ZC3H11A: variants seen among roughly 807,000 people sequenced by gnomAD.
ZC3H11A encodes the protein zinc finger CCCH-type containing 11A, also known as zinc finger CCCH domain-containing protein 11A.
Under a neutral mutation model 90.8 loss-of-function variants are expected in ZC3H11A, and 22 were observed. The observed-to-expected ratio is 0.24, with a 90% CI of 0.17 to 0.35. The LOEUF is 0.35. ZC3H11A is among the 10% of genes least tolerant of loss of function. The pLI is 1.00. For missense variants in ZC3H11A, 701 were observed against 964.9 expected, an observed-to-expected ratio of 0.73 and a Z score of 3.62; for synonymous variants, 294 against 339.8, an observed-to-expected ratio of 0.87 and a Z score of 1.48.
intron 2 of ZC3H11A, among the ~76,000 whole-genome samples, chr1:203,815,559 G>A (rs941238342): frequency 3.9e-5 from 6 of 151,908 alleles, no homozygotes; most frequent in African/African-American, 1.5e-4. Flanking sequence ...CATTTATTGT[G>A]CATTGTTACC....
In ZC3H11A at chr1:203,853,580, A is replaced by T. The variant is rs1365454313; in HGVS notation, c.*1181A>T. ...TAATCAGGAGGAAGAGGAAGGAAGGACTTACCCATTTTGATATTTTGCTGT... is the reference window on the plus strand; with the variant it reads ...TAATCAGGAGGAAGAGGAAGGAAGGTCTTACCCATTTTGATATTTTGCTGT... On this transcript the variant is annotated 3_prime_UTR_variant, in exon 18 of 18. Transcript: ENST00000367210. 1 of 152,668 alleles carries T rather than the reference A, an allele frequency of 6.6e-6. No individual in the cohort carries two copies. Among genetic ancestry groups the T allele is most frequent in the Non-Finnish European group, 1.5e-5 (1 of 68,040 alleles). The allele number at this position is 152,668 out of a possible 1,614,324, so 9.5% of individuals were successfully genotyped here.
chr1:203,797,993 C>G, intron 1 of ZC3H11A: 1 of 1,533,650 alleles, frequency 6.5e-7, no homozygotes, highest in Non-Finnish European at 8.7e-7. Flanking sequence ...GTGAGAAAAG[C>G]GTCAGCAGGG....
chr1:203,821,126 G>C (rs1450004981), intron 4 of ZC3H11A, among the ~76,000 whole-genome samples: 1 of 152,036 alleles, frequency 6.6e-6, no homozygotes, highest in African/African-American at 2.4e-5. Context: ...TTTCCCCCAC[G>C]CTATTCTCAT....
At chr1:203,847,124 C>G in intron 12 of ZC3H11A, 60 bp from the exon 13 acceptor site, 1 of 1,572,462 alleles carries the variant, frequency 6.4e-7, no homozygotes, top group Non-Finnish European at 8.7e-7. Context: ...ATAGAGAGAT[C>G]ATAAGTCAGT....
intron 11 of ZC3H11A, among the ~76,000 whole-genome samples, chr1:203,839,359 A>G (rs1685372341): frequency 1.3e-5 from 2 of 152,330 alleles, no homozygotes; most frequent in South Asian, 4.1e-4. Flanking sequence ...AGAATTCTTT[A>G]TAGTTGAAGG....
rs1553258300 is a variant in ZC3H11A at position 203,802,730 on chromosome 1, TTTTTGTTTTG to T, written c.-417_-408del. ...AAATGAACTCTTTTTTTTTGTTTTT[TTTTTGTTTTG>T]TTTTGTTTTGTTTTTGAGGAGATAA... On this transcript the variant is annotated 5_prime_UTR_variant, in exon 2 of 18. An upstream open reading frame in the 5' UTR loses its in-frame stop. Coordinates refer to ENST00000367210, the MANE Select transcript of ZC3H11A (RefSeq NM_001376342.1). 25 of 146,158 alleles carry T rather than the reference TTTTTGTTTTG, an allele frequency of 1.7e-4. 1 individual carries two copies. Among genetic ancestry groups the T allele is most frequent in the Admixed American group, 1.5e-3 (22 of 14,640 alleles). The allele number at this position is 146,158 out of a possible 1,614,324, so 9.1% of individuals were successfully genotyped here.
chr1:203,847,709 T>A (rs1032487951), intron 13 of ZC3H11A, 22 bp downstream of exon 13: 1 of 1,602,872 alleles, frequency 6.2e-7, no homozygotes, highest in African/African-American at 1.3e-5. Flanking sequence ...ACTTGGTCTC[T>A]AGTACCACGT....
chr1:203,815,638 A>G (rs969318103), intron 2 of ZC3H11A, among the ~76,000 whole-genome samples: 1 of 152,144 alleles, frequency 6.6e-6, no homozygotes, highest in African/African-American at 2.4e-5. Context: ...AACTTTAAAC[A>G]TTTGGGTACA....
Position 203,847,619 on chromosome 1 carries a change from C to T in ZC3H11A, c.1478C>T (p.Thr493Ile), listed in dbSNP as rs1461970577. Reference sequence around the variant, plus strand: ...GTGCAGCAGAGCTCTGAGAGCAGCACCAGCTCCCCGTCTCAACACGAGGCC... The same window carrying T: ...GTGCAGCAGAGCTCTGAGAGCAGCATCAGCTCCCCGTCTCAACACGAGGCC... ...LRVQQSSESS[T>I]SSPSQHEATP... The change falls in exon 13 of 18, where the codon ACC (threonine) becomes ATC (isoleucine). Residue 493 changes from threonine to isoleucine, a missense_variant. Coordinates refer to ENST00000367210, the MANE Select transcript of ZC3H11A (RefSeq NM_001376342.1). 1 of 1,613,272 alleles carries T rather than the reference C, an allele frequency of 6.2e-7. No individual in the cohort carries two copies. Among genetic ancestry groups the T allele is most frequent in the Non-Finnish European group, 8.5e-7 (1 of 1,179,998 alleles).
At chr1:203,842,163 CCAGG>C (rs1447874049) in intron 12 of ZC3H11A, among the ~76,000 whole-genome samples, 2 of 151,664 alleles carry the variant, frequency 1.3e-5, no homozygotes, top group African/African-American at 4.8e-5. Context: ...CGATGGGCGG[CCAGG>C]CAGAGACGCT....
chr1:203,847,554 C>G lies in ZC3H11A; in HGVS notation c.1413C>G (p.Ile471Met). The G allele has an allele frequency of 1.9e-6, 3 of 1,613,928 alleles. No homozygotes were observed. The highest frequency in any genetic ancestry group is 2.5e-6 in the Non-Finnish European group (3 of 1,179,878). The change falls in exon 13 of 18, where the codon ATC becomes ATG. Residue 471 changes from isoleucine (I) to methionine (M), a missense_variant. Coordinates refer to ENST00000367210, the MANE Select transcript of ZC3H11A (RefSeq NM_001376342.1). ...GKTKSMQEVHIKTLEEIKLEK... is the reference protein window; with the variant it reads ...GKTKSMQEVHMKTLEEIKLEK... The stretch of plus-strand genomic sequence containing the variant: ...CAAAGTCTATGCAGGAGGTGCACAT[C>G]AAGACGCTGGAAGAAATTAAACTGG...
chr1:203,815,379 C>CTTTTTT (rs397711285), intron 2 of ZC3H11A, among the ~76,000 whole-genome samples: 2 of 96,912 alleles, frequency 2.1e-5, no homozygotes, highest in African/African-American at 4.2e-5. Flanking sequence ...CCACACCCAG[C>CTTTTTT]TTTTTTTTTT....
chr1:203,852,127 T>C lies in ZC3H11A; in HGVS notation c.2175-14T>C, dbSNP rs1300954521. On this transcript the variant is annotated splice_polypyrimidine_tract_variant and intron_variant, in intron 17 of 17. Coordinates refer to ENST00000367210, the MANE Select transcript of ZC3H11A (RefSeq NM_001376342.1). Reference sequence around the variant, plus strand: ...TAAAACGGCAGTTTTCTAATAATCTTTTTTTTCTTACAGTCTTGTGCTGCC... The same window carrying C: ...TAAAACGGCAGTTTTCTAATAATCTCTTTTTTCTTACAGTCTTGTGCTGCC... 4 of 1,613,274 alleles carry C rather than the reference T, an allele frequency of 2.5e-6. No homozygotes were observed. The South Asian group carries it at 4.4e-5, about 18-fold the overall frequency.
At chr1:203,845,263 A>G (rs913302593) in intron 12 of ZC3H11A, among the ~76,000 whole-genome samples, 3 of 152,098 alleles carry the variant, frequency 2.0e-5, no homozygotes, top group Admixed American at 6.6e-5. Flanking sequence ...TTATCATTTC[A>G]ATGAAATTTT....
intron 9 of ZC3H11A, among the ~76,000 whole-genome samples, chr1:203,832,468 C>T (rs1682719241): frequency 6.6e-6 from 1 of 152,000 alleles, no homozygotes. Flanking sequence ...TCAAGTGATT[C>T]TCCTGCTTCA....
intron 10 of ZC3H11A, among the ~76,000 whole-genome samples, chr1:203,834,802 C>T (rs182125188): frequency 1.2e-4 from 18 of 152,252 alleles, no homozygotes. Context: ...GGCACTACCC[C>T]TGGCTAATTT....
At chr1:203,831,793 G>A (rs775897965) in intron 9 of ZC3H11A, 22 bp downstream of exon 9, 2 of 1,577,834 alleles carry the variant, frequency 1.3e-6, no homozygotes, top group Admixed American at 3.5e-5. Flanking sequence ...ATAGGTCTTA[G>A]AGTTGTCAAG....
At chr1:203,805,385 C>G (rs1162061071) in intron 2 of ZC3H11A, among the ~76,000 whole-genome samples, 1 of 152,050 alleles carries the variant, frequency 6.6e-6, no homozygotes, top group African/African-American at 2.4e-5. Flanking sequence ...CCTGCCTCAG[C>G]CTTTCAAAGT....
Position 203,804,953 on chromosome 1 carries a change from G to A in ZC3H11A, c.-146+1937G>A, listed in dbSNP as rs145698528. On this transcript the variant is annotated intron_variant, in intron 2 of 17. Transcript: ENST00000367210. ...CTCCTAAAGTGCTGGGATTACAGGC[G>A]TGAGCTATTGTGCCCGGCCTGTCTC... Among the ~76,000 whole-genome samples the A allele has an allele frequency of 4.9e-3, 744 of 152,034 alleles. 3 individuals are homozygous for A. The highest frequency in any genetic ancestry group is 7.8e-3 in the Non-Finnish European group (528 of 67,966).
Sources: gnomAD v4.1 joint callset for allele counts (sites outside exome capture counted in the v4.1 genomes callset) on GRCh38, gnomAD v4.1.1 for gene constraint, MANE v1.5 for transcripts, NCBI Gene and HGNC (gene_info 2026-07-23, HGNC 2026-07-21) for gene names.